NLRC3: variants seen among roughly 807,000 people sequenced by gnomAD.
NLRC3 encodes NLR family CARD domain-containing protein 3.
A neutral mutation model predicts 91.6 loss-of-function variants in NLRC3; 87 were observed. The ratio of observed to expected loss-of-function variants is 0.95; its 90% CI spans 0.80 to 1.14. The LOEUF (loss-of-function observed/expected upper bound fraction) is 1.14. NLRC3 is among the 50% of genes most tolerant of loss of function. The pLI, the probability that NLRC3 is intolerant of heterozygous loss-of-function variation, is 0.00. For missense variants in NLRC3, 1,577 were observed against 1,418.6 expected (o/e 1.11, Z -1.79); for synonymous variants, 694 against 625.3 (o/e 1.11, Z -1.64).
In NLRC3 at chr16:3,549,714, C is replaced by T; in HGVS notation, c.2502G>A (p.Gln834=). The T allele has an allele frequency of 6.4e-7, 1 of 1,551,176 alleles. No homozygotes were observed. The highest frequency in any genetic ancestry group is 8.7e-7 in the Non-Finnish European group (1 of 1,146,704). Residue 834 remains glutamine, a synonymous_variant, in exon 12 of 20, where the codon CAG becomes CAA. Transcript: ENST00000359128. The part of the protein sequence containing the change: ...AALMGALCTN[Q]TLLSLSLREN... ...GGACTTACCTGAGGCTGAGGAGGGT[C>T]TGGTTGGTGCAGAGGGCCCCCATCA... is the stretch of plus-strand genomic sequence containing the variant.
chr16:3,564,478 G>T lies in NLRC3; in HGVS notation c.459C>A (p.Thr153=). 1 of 1,612,562 alleles carries T rather than the reference G, an allele frequency of 6.2e-7. No individual in the cohort carries two copies. Among genetic ancestry groups the T allele is most frequent in the East Asian group, 2.2e-5 (1 of 44,864 alleles). Residue 153 remains threonine, a synonymous_variant, in exon 5 of 20, where the codon ACC becomes ACA. Transcript: ENST00000359128. The surrounding 1 kb of genome is among the most constrained non-coding windows in gnomAD (Gnocchi z 5.9). ...AGAGGCGGACGAAGTGCCTCACCAGGGTGGTCTTGCCCATGCCGGCCACCC... is the reference window on the plus strand; with the variant it reads ...AGAGGCGGACGAAGTGCCTCACCAGTGTGGTCTTGCCCATGCCGGCCACCC... ...TIGVAGMGKT[T]LVRHFVRLWA... is the part of the protein sequence containing the mutation.
chr16:3,567,758 C>T (rs1269953393), intron 1 of NLRC3, among the ~76,000 whole-genome samples: 33 of 96,192 alleles, frequency 3.4e-4, no homozygotes, highest in Middle Eastern at 0.011. Flanking sequence ...GGCAACAGAG[C>T]GAGACTCCAT....
intron 1 of NLRC3, among the ~76,000 whole-genome samples, chr16:3,572,253 A>G (rs1187588308): frequency 6.6e-6 from 1 of 152,152 alleles, no homozygotes; most frequent in Non-Finnish European, 1.5e-5. Flanking sequence ...TCATTGGTGA[A>G]TATTATAACA....
At chr16:3,554,814 A>T (rs550431189) in intron 8 of NLRC3, among the ~76,000 whole-genome samples, 1 of 152,326 alleles carries the variant, frequency 6.6e-6, no homozygotes, top group South Asian at 2.1e-4. Flanking sequence ...CGTATTCACC[A>T]ATGTTCACAG....
In NLRC3 at chr16:3,549,175, G is replaced by T; in HGVS notation, c.2570C>A (p.Ala857Asp). The T allele has an allele frequency of 6.3e-7, 1 of 1,587,596 alleles. No individual in the cohort carries two copies. Among genetic ancestry groups the T allele is most frequent in the Non-Finnish European group, 8.6e-7 (1 of 1,166,714 alleles). Residue 857 changes from alanine (A) to aspartate (D), a missense_variant, in exon 13 of 20, where the codon GCC (alanine) becomes GAC (aspartate). Physicochemically the swap from Ala to Asp is moderately radical, Grantham distance 126. Transcript: ENST00000359128. Reference sequence around the variant, plus strand: ...CTTCAGGGTGCTGTTGGCGCAGAGGGCATGAGCGATGGCCTGGGCTCCCTC... The same window carrying T: ...CTTCAGGGTGCTGTTGGCGCAGAGGTCATGAGCGATGGCCTGGGCTCCCTC... ...SPEGAQAIAH[A>D]LCANSTLKNL...
chr16:3,549,551 C>A (rs1007289340), intron 12 of NLRC3, 146 bp downstream of exon 12: 2 of 691,082 alleles, frequency 2.9e-6, no homozygotes, highest in Non-Finnish European at 5.0e-6. Flanking sequence ...TCCCCTGCAC[C>A]CCAAGAGAGC....
chr16:3,544,595 T>G, intron 15 of NLRC3: 1 of 433,296 alleles, frequency 2.3e-6, no homozygotes. Context: ...CAGCAGGGGC[T>G]TGGGACCCAA....
At chr16:3,542,402 C>G in intron 18 of NLRC3, 128 bp from the exon 19 acceptor site, 2 of 692,622 alleles carry the variant, frequency 2.9e-6, no homozygotes, top group Non-Finnish European at 5.2e-6. Context: ...CATGGCAACT[C>G]CAGGTGGGAG....
Position 3,544,241 on chromosome 16 carries a change from C to CT in NLRC3, c.2855+4dup, listed in dbSNP as rs760134952. 9 of 1,578,424 alleles carry CT rather than the reference C, an allele frequency of 5.7e-6. No homozygotes were observed. Among genetic ancestry groups the CT allele is most frequent in the South Asian group, 1.1e-5 (1 of 90,378 alleles). On this transcript the variant is annotated splice_donor_region_variant and intron_variant, in intron 16 of 19. Coordinates refer to ENST00000359128, the MANE Select transcript of NLRC3 (RefSeq NM_178844.4). ...TCCTGACTGCTGCGCACATCTAGGA[C>CT]TTACTAGAGAGCAGTGAGGGCTGTG...
intron 8 of NLRC3, among the ~76,000 whole-genome samples, chr16:3,556,311 T>A (rs1596464940): frequency 3.3e-5 from 1 of 29,864 alleles, no homozygotes; most frequent in African/African-American, 1.2e-4. Flanking sequence ...AAAGAAAGAA[T>A]CCGTCTCAAA....
chr16:3,564,301 G>T lies in NLRC3; in HGVS notation c.636C>A (p.Ala212=). The change falls in exon 5 of 20, where the codon GCC becomes GCA. Residue 212 remains alanine, a synonymous_variant. Coordinates refer to ENST00000359128, the MANE Select transcript of NLRC3 (RefSeq NM_178844.4). This position sits in a 1 kb window ranked among gnomAD's most constrained non-coding sequence, Gnocchi z 5.9. Reference sequence around the variant, plus strand: ...AGCCGTCCAGGATCAGGAGGGCCCTGGCTGGGACTGCCACCGCCAGGCTGG... The same window carrying T: ...AGCCGTCCAGGATCAGGAGGGCCCTTGCTGGGACTGCCACCGCCAGGCTGG... ...GEPSLAVAVP[A]RALLILDGLD... is the part of the protein sequence containing the mutation. 6.2e-7 allele frequency: 1 copy of T among 1,611,766 alleles called. No individual in the cohort carries two copies. Among genetic ancestry groups the T allele is most frequent in the Non-Finnish European group, 8.5e-7 (1 of 1,179,580 alleles).
At chr16:3,560,422 C>T (rs1315626403) in intron 6 of NLRC3, among the ~76,000 whole-genome samples, 5 of 148,122 alleles carry the variant, frequency 3.4e-5, no homozygotes. Flanking sequence ...GACTCCGTCT[C>T]AAAACAAAAA....
intron 5 of NLRC3, 69 bp downstream of exon 5, chr16:3,562,940 G>A (rs1327589995): frequency 2.2e-6 from 3 of 1,357,266 alleles, no homozygotes; most frequent in Non-Finnish European, 2.0e-6. Flanking sequence ...GCTTGGTGGT[G>A]GGGAGGGGAC....
Position 3,541,804 on chromosome 16 carries a change from C to A in NLRC3, c.*21G>T, listed in dbSNP as rs1043346940. 2 of 1,538,708 alleles carry A rather than the reference C, an allele frequency of 1.3e-6. No individual in the cohort carries two copies. Among genetic ancestry groups the A allele is most frequent in the Non-Finnish European group, 9.0e-7 (1 of 1,114,172 alleles). On this transcript the variant is annotated 3_prime_UTR_variant, in exon 20 of 20. Coordinates refer to ENST00000359128, the MANE Select transcript of NLRC3 (RefSeq NM_178844.4). Reference sequence around the variant, plus strand: ...GCTTCCAGCTGAGCATCTGCCCATTCTCCTGATCCGTCCACCAGGATCACA... The same window carrying A: ...GCTTCCAGCTGAGCATCTGCCCATTATCCTGATCCGTCCACCAGGATCACA...
Position 3,563,177 on chromosome 16 carries a change from A to G in NLRC3, c.1760T>C (p.Met587Thr), listed in dbSNP as rs1262086490. The change falls in exon 5 of 20, where the codon ATG (methionine) becomes ACG (threonine). Residue 587 changes from methionine to threonine, a missense_variant. Coordinates refer to ENST00000359128, the MANE Select transcript of NLRC3 (RefSeq NM_178844.4). The part of the protein sequence containing the change: ...TELARSVEEA[M>T]ESGALARLTG... ...CAGCCTGGCCAGGGCCCCGCTCTCC[A>G]TGGCCTCCTCCACGCTGCGGGCCAG... The G allele has an allele frequency of 1.9e-6, 3 of 1,593,638 alleles. No individual in the cohort carries two copies. Among genetic ancestry groups the G allele is most frequent in the South Asian group, 2.3e-5 (2 of 88,152 alleles).
intron 2 of NLRC3, among the ~76,000 whole-genome samples, chr16:3,566,551 C>G (rs992423786): frequency 6.6e-6 from 1 of 152,048 alleles, no homozygotes; most frequent in East Asian, 1.9e-4. Flanking sequence ...CATGGAGAAA[C>G]CCCATCTCTA....
intron 2 of NLRC3, among the ~76,000 whole-genome samples, chr16:3,565,729 C>A (rs2039853432): frequency 6.6e-6 from 1 of 152,022 alleles, no homozygotes. Context: ...TGTCCAGACC[C>A]ACAGAACGTA....
intron 17 of NLRC3, chr16:3,543,004 C>T (rs1567456686): frequency 3.6e-6 from 2 of 555,606 alleles, no homozygotes; most frequent in Non-Finnish European, 6.4e-6. Context: ...TGGAGCCTTC[C>T]TCCTCTTCCA....
At chr16:3,555,425 G>T (rs1165224845) in intron 8 of NLRC3, among the ~76,000 whole-genome samples, 1 of 152,074 alleles carries the variant, frequency 6.6e-6, no homozygotes, top group African/African-American at 2.4e-5. Flanking sequence ...GATTGTGAGG[G>T]GCTGGGGAAA....
Sources: gnomAD v4.1 joint callset for allele counts (sites outside exome capture counted in the v4.1 genomes callset) on GRCh38, gnomAD v4.1.1 for gene constraint, Gnocchi (gnomAD v3.1) non-coding constraint, MANE v1.5 for transcripts, NCBI Gene and HGNC (gene_info 2026-07-23, HGNC 2026-07-21) for gene names.